Variants in ITPR3 observed in about 807,000 individuals in gnomAD.
The protein encoded by ITPR3 is inositol 1,4,5-trisphosphate receptor type 3, also known as inositol 1,4,5-trisphosphate-gated calcium channel ITPR3.
ITPR3 carries 173 observed loss-of-function variants against 293.2 expected under a neutral mutation model. That is an observed-to-expected ratio of 0.59 (90% CI 0.52 to 0.67). The LOEUF (loss-of-function observed/expected upper bound fraction) is 0.67, where lower values mean the gene tolerates loss of function less well. ITPR3 is among the 30% of genes least tolerant of loss of function. The pLI is 0.00. For synonymous variants in ITPR3, 1,295 were observed against 1,444.4 expected, an observed-to-expected ratio of 0.90 and a Z score of 2.35; for missense variants, 2,796 against 3,592.1, an observed-to-expected ratio of 0.78 and a Z score of 5.66.
chr6:33,688,707 T>C lies in ITPR3; in HGVS notation c.6620T>C (p.Ile2207Thr), dbSNP rs1274624417. 1 of 1,614,204 alleles carries C rather than the reference T, an allele frequency of 6.2e-7. No homozygotes were observed. Among genetic ancestry groups the C allele is most frequent in the African/African-American group, 1.3e-5 (1 of 75,066 alleles). Residue 2207 changes from isoleucine (I) to threonine (T), a missense_variant, in exon 49 of 58, where the codon ATC becomes ACC. This residue lies in a region of ITPR3 where 568 missense variants were observed against 796.1 expected (regional missense o/e 0.71). Transcript: ENST00000605930. ...CGCCGCATGACCCTGTGGGGCAGCATCTCCTTCAACCTGGCCGTGTTTATC... is the reference window on the plus strand; with the variant it reads ...CGCCGCATGACCCTGTGGGGCAGCACCTCCTTCAACCTGGCCGTGTTTATC... Reference protein sequence around the residue: ...FSRRMTLWGSISFNLAVFINI... With the variant: ...FSRRMTLWGSTSFNLAVFINI...
chr6:33,688,365 G>A lies in ITPR3; in HGVS notation c.6502G>A (p.Val2168Met). Residue 2168 changes from valine to methionine, a missense_variant, in exon 48 of 58, where the codon GTG (valine) becomes ATG (methionine). By Grantham distance (21) the Val-to-Met change is conservative. This residue lies in a region of ITPR3 where 568 missense variants were observed against 796.1 expected (regional missense o/e 0.71). Coordinates refer to ENST00000605930, the MANE Select transcript of ITPR3 (RefSeq NM_002224.4). ...TGAGCAGGACGAGCAGGGCAGCAAA[G>A]TGAGCGACTTCTTCGACCAGTCCTC... ...TTEQDEQGSK[V>M]SDFFDQSSFL... 6.2e-7 allele frequency: 1 copy of A among 1,611,970 alleles called. No individual in the cohort carries two copies. The highest frequency in any genetic ancestry group is 8.5e-7 in the Non-Finnish European group (1 of 1,178,948).
chr6:33,684,564 C>G lies in ITPR3; in HGVS notation c.5047-34C>G, dbSNP rs748295178. ...GGCCAGTGGTCAGTGGTGGGCTGTA[C>G]CCACAATGGGGCCTCACTCCCATCC... On this transcript the variant is annotated intron_variant, in intron 37 of 57. Coordinates refer to ENST00000605930, the MANE Select transcript of ITPR3 (RefSeq NM_002224.4). This position sits in a 1 kb window ranked among gnomAD's most constrained non-coding sequence, Gnocchi z 4.2. 30 of 1,609,932 alleles carry G rather than the reference C, an allele frequency of 1.9e-5. No individual in the cohort carries two copies. Among genetic ancestry groups the G allele is most frequent in the Non-Finnish European group, 8.5e-7 (1 of 1,176,416 alleles).
chr6:33,643,397 C>T (rs1763992968), intron 2 of ITPR3, among the ~76,000 whole-genome samples: 1 of 152,216 alleles, frequency 6.6e-6, no homozygotes, highest in African/African-American at 2.4e-5. Context: ...GCTTCAGCTC[C>T]AGCCACCTTC....
In ITPR3 at chr6:33,683,480, CG is replaced by C; in HGVS notation, c.4788+87del. On this transcript the variant is annotated intron_variant, in intron 35 of 57. Coordinates refer to ENST00000605930, the MANE Select transcript of ITPR3 (RefSeq NM_002224.4). This position sits in a 1 kb window ranked among gnomAD's most constrained non-coding sequence, Gnocchi z 4.5. Reference sequence around the variant, plus strand: ...CCCCTACTTTGGAGGGGCAAGTTCTCGGGGAGTGTTTCTTCCTGTCCTGCCC... The same window carrying C: ...CCCCTACTTTGGAGGGGCAAGTTCTCGGGAGTGTTTCTTCCTGTCCTGCCC... 8.4e-7 allele frequency: 1 copy of C among 1,184,734 alleles called. No homozygotes were observed. The highest frequency in any genetic ancestry group is 1.2e-6 in the Non-Finnish European group (1 of 866,942). 73.4% of individuals were successfully genotyped at this position (1,184,734 alleles called of 1,614,324 possible).
At position 33,633,710 on chromosome 6, in the gene ITPR3, G is replaced by GACGGCTGCACGTGGGAC; in HGVS notation, c.90-6773_90-6757dup. 6.8e-6 allele frequency among the ~76,000 whole-genome samples: 1 copy of GACGGCTGCACGTGGGAC among 148,046 alleles called. No homozygotes were observed. The highest frequency in any genetic ancestry group is 1.9e-4 in the East Asian group (1 of 5,148). ...TTGGCGGCGGCGGCGCGTCGTGGGA[G>GACGGCTGCACGTGGGAC]ACGGCTGCACGTGGGACGGCGAGTT... is the stretch of plus-strand genomic sequence containing the variant. On this transcript the variant is annotated intron_variant, in intron 1 of 57. Coordinates refer to ENST00000605930, the MANE Select transcript of ITPR3 (RefSeq NM_002224.4). The surrounding 1 kb of genome is among the most constrained non-coding windows in gnomAD (Gnocchi z 5.2).
chr6:33,643,876 ATT>A (rs1561854960), intron 2 of ITPR3, among the ~76,000 whole-genome samples: 4 of 152,036 alleles, frequency 2.6e-5, no homozygotes, highest in Non-Finnish European at 5.9e-5. Flanking sequence ...ATTAAGATAT[ATT>A]TCAAGTCTAC....
In ITPR3 at chr6:33,666,289, C is replaced by CAAAAAATTTTTTA. The variant is rs1764607805; in HGVS notation, c.1551+325_1551+326insAAAAAAATTTTTT. Among the ~76,000 whole-genome samples the CAAAAAATTTTTTA allele has an allele frequency of 6.9e-6, 1 of 144,840 alleles. No individual in the cohort carries two copies. The highest frequency in any genetic ancestry group is 2.5e-5 in the African/African-American group (1 of 39,538). Reference sequence around the variant, plus strand: ...TGATGTTGGGTCCAGAGCTGTGCTTCAAAAAATTTTTTTAAAAATTTTTTT... The same window carrying CAAAAAATTTTTTA: ...TGATGTTGGGTCCAGAGCTGTGCTTCAAAAAATTTTTTAAAAAAATTTTTTTAAAAATTTTTTT... On this transcript the variant is annotated intron_variant, in intron 14 of 57. Transcript: ENST00000605930. This position sits in a 1 kb window ranked among gnomAD's most constrained non-coding sequence, Gnocchi z 5.1.
intron 48 of ITPR3, 82 bp downstream of exon 48, chr6:33,688,513 G>A (rs1561881941): frequency 1.3e-6 from 2 of 1,501,070 alleles, no homozygotes; most frequent in African/African-American, 1.4e-5. Flanking sequence ...TTGCCTGCCT[G>A]TGGGTGCCCT....
At position 33,692,745 on chromosome 6, in the gene ITPR3, C is replaced by T; in HGVS notation, c.7476C>T (p.Ala2492=). Residue 2492 remains alanine (A), a synonymous_variant, in exon 55 of 58, where the codon GCC becomes GCT. Transcript: ENST00000605930. The surrounding 1 kb of genome is among the most constrained non-coding windows in gnomAD (Gnocchi z 4.2). The part of the protein sequence containing the change: ...KPSKDESLFP[A]RVVYDLLFFF... ...CCCTGCAGGAGTCTCTCTTCCCAGC[C>T]CGAGTGGTCTATGACCTCCTGTTCT... 6.2e-7 allele frequency: 1 copy of T among 1,614,088 alleles called. No homozygotes were observed. Among genetic ancestry groups the T allele is most frequent in the Non-Finnish European group, 8.5e-7 (1 of 1,180,000 alleles).
Position 33,675,979 on chromosome 6 carries a change from C to T in ITPR3, c.3282+123C>T. ...ACTTGGGATGCCCATTTGGGGTTTT[C>T]AGCCTTGCTGAGTTCCTAGGTGAAG... On this transcript the variant is annotated intron_variant, in intron 25 of 57. Coordinates refer to ENST00000605930, the MANE Select transcript of ITPR3 (RefSeq NM_002224.4). The surrounding 1 kb of genome is among the most constrained non-coding windows in gnomAD (Gnocchi z 5.0). 1 of 1,206,926 alleles carries T rather than the reference C, an allele frequency of 8.3e-7. No homozygotes were observed. Among genetic ancestry groups the T allele is most frequent in the Non-Finnish European group, 1.1e-6 (1 of 891,504 alleles). 74.8% of individuals were successfully genotyped at this position (1,206,926 alleles called of 1,614,324 possible).
At position 33,675,941 on chromosome 6, in the gene ITPR3, A is replaced by G. The variant is rs1764896340; in HGVS notation, c.3282+85A>G. 1.4e-6 allele frequency: 2 copies of G among 1,412,534 alleles called. No homozygotes were observed. The highest frequency in any genetic ancestry group is 1.9e-6 in the Non-Finnish European group (2 of 1,066,224). The allele number at this position is 1,412,534 out of a possible 1,614,324, so 87.5% of individuals were successfully genotyped here. On this transcript the variant is annotated intron_variant, in intron 25 of 57. Coordinates refer to ENST00000605930, the MANE Select transcript of ITPR3 (RefSeq NM_002224.4). The surrounding 1 kb of genome is among the most constrained non-coding windows in gnomAD (Gnocchi z 5.0). ...AGTAAACGATGATTGAGGAGCTCACAGCTCAAGGGGTAACTTGGGATGCCC... is the reference window on the plus strand; with the variant it reads ...AGTAAACGATGATTGAGGAGCTCACGGCTCAAGGGGTAACTTGGGATGCCC...
At position 33,683,119 on chromosome 6, in the gene ITPR3, CT is replaced by C; in HGVS notation, c.4598-87del. On this transcript the variant is annotated intron_variant, in intron 34 of 57. Coordinates refer to ENST00000605930, the MANE Select transcript of ITPR3 (RefSeq NM_002224.4). The surrounding 1 kb of genome is among the most constrained non-coding windows in gnomAD (Gnocchi z 4.5). ...AGACCCTTGGTCTAGTTCACTCTGT[CT>C]CCTGGTGTGGCAGCCCTGAGCCTGG... The C allele has an allele frequency of 2.9e-6, 3 of 1,019,808 alleles. No individual in the cohort carries two copies. The highest frequency in any genetic ancestry group is 4.2e-6 in the Non-Finnish European group (3 of 721,554). 63.2% of individuals were successfully genotyped at this position (1,019,808 alleles called of 1,614,324 possible). A position where few individuals can be genotyped will look rare whatever the true frequency, so the allele number is the denominator to read the frequency against.
In ITPR3 at chr6:33,670,925, T is replaced by G; in HGVS notation, c.2586+110T>G. ...CTGTGGGATCCATGACCCCACTTCC[T>G]TCTGTGTCCCCAGCCAGTGCAGGGG... On this transcript the variant is annotated intron_variant, in intron 20 of 57. Coordinates refer to ENST00000605930, the MANE Select transcript of ITPR3 (RefSeq NM_002224.4). This position sits in a 1 kb window ranked among gnomAD's most constrained non-coding sequence, Gnocchi z 6.7. The G allele has an allele frequency of 7.0e-7, 1 of 1,423,812 alleles. No homozygotes were observed. Among genetic ancestry groups the G allele is most frequent in the Non-Finnish European group, 9.6e-7 (1 of 1,045,530 alleles). The allele number at this position is 1,423,812 out of a possible 1,614,324, so 88.2% of individuals were successfully genotyped here.
At chr6:33,694,755 C>T (rs1226116094) in intron 56 of ITPR3, 169 bp from the exon 57 acceptor site, 7 of 804,016 alleles carry the variant, frequency 8.7e-6, no homozygotes, top group South Asian at 1.6e-5. Flanking sequence ...TGCCAGCTCA[C>T]TCTGGCCCCG....
At chr6:33,674,640 G>C (rs1246223120) in intron 24 of ITPR3, among the ~76,000 whole-genome samples, 1 of 152,234 alleles carries the variant, frequency 6.6e-6, no homozygotes, top group Non-Finnish European at 1.5e-5. Flanking sequence ...GGCTCACTGG[G>C]GGCTTTTAGC....
chr6:33,679,765 TG>T lies in ITPR3; in HGVS notation c.3973-116del. The stretch of plus-strand genomic sequence containing the variant: ...AATCCCAGCCAGGGGAGGGTTTTCC[TG>T]ATTTCAGGTAAGGGCTGTGGTCAGA... On this transcript the variant is annotated intron_variant, in intron 30 of 57. Transcript: ENST00000605930. This position sits in a 1 kb window ranked among gnomAD's most constrained non-coding sequence, Gnocchi z 4.2. 7.5e-7 allele frequency: 1 copy of T among 1,341,594 alleles called. No individual in the cohort carries two copies. Among genetic ancestry groups the T allele is most frequent in the Non-Finnish European group, 1.0e-6 (1 of 1,001,352 alleles). The allele number at this position is 1,341,594 out of a possible 1,614,324, so 83.1% of individuals were successfully genotyped here. A position where few individuals can be genotyped will look rare whatever the true frequency, so the allele number is the denominator to read the frequency against.
intron 55 of ITPR3, 39 bp from the exon 56 acceptor site, chr6:33,693,506 G>A: frequency 6.2e-7 from 1 of 1,607,320 alleles, no homozygotes; most frequent in Admixed American, 1.7e-5. Flanking sequence ...AGTGGCTCTT[G>A]AAGGCTGATG....
At position 33,678,625 on chromosome 6, in the gene ITPR3, GC is replaced by G. The variant is rs1332621476; in HGVS notation, c.3772-8del. 1.9e-6 allele frequency: 3 copies of G among 1,608,450 alleles called. No individual in the cohort carries two copies. The highest frequency in any genetic ancestry group is 2.5e-6 in the Non-Finnish European group (3 of 1,177,822). ...GGGCCCAGATCTCTTTCTGACAGATGCCCCCCACTGCAGCTCCTGGAGGCAG... is the reference window on the plus strand; with the variant it reads ...GGGCCCAGATCTCTTTCTGACAGATGCCCCCACTGCAGCTCCTGGAGGCAG... On this transcript the variant is annotated splice_polypyrimidine_tract_variant and intron_variant, in intron 29 of 57. Coordinates refer to ENST00000605930, the MANE Select transcript of ITPR3 (RefSeq NM_002224.4).
At chr6:33,685,267 G>A (rs1429878909) in intron 39 of ITPR3, 92 bp from the exon 40 acceptor site, 7 of 1,279,602 alleles carry the variant, frequency 5.5e-6, no homozygotes, top group South Asian at 2.8e-5. Context: ...TGCAGCCCCA[G>A]CGGCCCCAGC....
Sources: gnomAD v4.1 joint callset for allele counts (sites outside exome capture counted in the v4.1 genomes callset) on GRCh38, gnomAD v4.1.1 for gene constraint, gnomAD v4.1.1 regional missense constraint, Gnocchi (gnomAD v3.1) non-coding constraint, MANE v1.5 for transcripts, NCBI Gene and HGNC (gene_info 2026-07-23, HGNC 2026-07-21) for gene names.